Variants in SLC25A21 observed in about 807,000 individuals in gnomAD.
SLC25A21 encodes the protein mitochondrial 2-oxodicarboxylate carrier.
In SLC25A21, 47 loss-of-function variants were observed where a neutral mutation model predicts 43.8. That is an observed-to-expected ratio of 1.07 (90% CI 0.85 to 1.37). SLC25A21 has a LOEUF of 1.37. SLC25A21 is among the 40% of genes most tolerant of loss of function. The pLI, the probability that SLC25A21 is intolerant of heterozygous loss-of-function variation, is 0.00. For synonymous variants in SLC25A21, 131 were observed against 121.3 expected, an observed-to-expected ratio of 1.08 and a Z score of -0.52; for missense variants, 352 against 350.2, an observed-to-expected ratio of 1.00 and a Z score of -0.04.
intron 2 of SLC25A21, among the ~76,000 whole-genome samples, chr14:36,850,991 T>A (rs932674751): frequency 2.0e-5 from 3 of 152,228 alleles, no homozygotes. Flanking sequence ...CTAAAGATTA[T>A]GACATTCTAC....
At chr14:36,696,228 T>G (rs1883018798) in intron 7 of SLC25A21, among the ~76,000 whole-genome samples, 1 of 152,236 alleles carries the variant, frequency 6.6e-6, no homozygotes, top group Non-Finnish European at 1.5e-5. Context: ...TTGCATATGT[T>G]GAACCAGCCT....
At chr14:37,057,051 T>C (rs1049621767) in intron 1 of SLC25A21, among the ~76,000 whole-genome samples, 1 of 152,236 alleles carries the variant, frequency 6.6e-6, no homozygotes, top group African/African-American at 2.4e-5. Context: ...ATTCTTTTTA[T>C]TTGGGGTTTA....
At chr14:36,865,011 T>C (rs1274192858) in intron 2 of SLC25A21, among the ~76,000 whole-genome samples, 1 of 151,992 alleles carries the variant, frequency 6.6e-6, no homozygotes, top group Non-Finnish European at 1.5e-5. Flanking sequence ...TTTAAAAAGA[T>C]TCCTTTCTTT....
chr14:36,939,011 T>C (rs898345265), intron 1 of SLC25A21, among the ~76,000 whole-genome samples: 2 of 152,192 alleles, frequency 1.3e-5, no homozygotes, highest in African/African-American at 4.8e-5. Context: ...AACTGAATTG[T>C]ATTTCAGATA....
intron 1 of SLC25A21, among the ~76,000 whole-genome samples, chr14:37,098,872 G>A (rs78990060): frequency 6.6e-6 from 1 of 150,722 alleles, no homozygotes; most frequent in Non-Finnish European, 1.5e-5. Context: ...GCATGATCTC[G>A]GCTCACTGCA....
chr14:36,799,628 G>A (rs1235816933), intron 3 of SLC25A21, among the ~76,000 whole-genome samples: 2 of 152,096 alleles, frequency 1.3e-5, no homozygotes, highest in African/African-American at 2.4e-5. Flanking sequence ...AAGAATTTAT[G>A]TTTTTTTAAG....
chr14:37,172,037 C>T, intron 1 of SLC25A21: 3 of 544,800 alleles, frequency 5.5e-6, no homozygotes, highest in Non-Finnish European at 9.8e-6. Flanking sequence ...ACGGACAATG[C>T]CGGGAACCCG....
chr14:36,850,560 T>C (rs192125336), intron 2 of SLC25A21, among the ~76,000 whole-genome samples: 1 of 152,326 alleles, frequency 6.6e-6, no homozygotes, highest in Non-Finnish European at 1.5e-5. Context: ...GACCTCAGAT[T>C]TGACTGTCTT....
intron 1 of SLC25A21, among the ~76,000 whole-genome samples, chr14:37,054,585 G>A (rs1208016418): frequency 1.3e-5 from 2 of 152,094 alleles, no homozygotes; most frequent in Non-Finnish European, 2.9e-5. Context: ...AGTGGTAGTG[G>A]CATATGAAGG....
At chr14:36,705,373 T>C (rs779741257) in intron 7 of SLC25A21, among the ~76,000 whole-genome samples, 10 of 152,106 alleles carry the variant, frequency 6.6e-5, no homozygotes, top group Non-Finnish European at 1.5e-4. Flanking sequence ...CTATTTTACG[T>C]CCGCAAACAT....
At chr14:36,891,405 G>A (rs1891068006) in intron 1 of SLC25A21, among the ~76,000 whole-genome samples, 1 of 152,104 alleles carries the variant, frequency 6.6e-6, no homozygotes, top group African/African-American at 2.4e-5. Flanking sequence ...CTCAGTGACT[G>A]GATTTAGCTA....
At chr14:36,946,093 G>A (rs943752296) in intron 1 of SLC25A21, among the ~76,000 whole-genome samples, 6 of 152,172 alleles carry the variant, frequency 3.9e-5, no homozygotes, top group Non-Finnish European at 7.3e-5. Flanking sequence ...AAGGATGTAA[G>A]TAGAAACATT....
chr14:37,015,919 T>C (rs1366331107), intron 1 of SLC25A21, among the ~76,000 whole-genome samples: 1 of 151,962 alleles, frequency 6.6e-6, no homozygotes, highest in Non-Finnish European at 1.5e-5. Flanking sequence ...TTTGTTTGAG[T>C]TCATTGTAGA....
intron 1 of SLC25A21, among the ~76,000 whole-genome samples, chr14:36,992,897 T>C (rs1270304064): frequency 5.3e-5 from 8 of 152,188 alleles, no homozygotes; most frequent in Admixed American, 1.3e-4. Context: ...AAGCTGACAG[T>C]TGCATGACAA....
chr14:36,881,573 C>T (rs1409847381), intron 1 of SLC25A21, among the ~76,000 whole-genome samples: 4 of 152,162 alleles, frequency 2.6e-5, no homozygotes, highest in African/African-American at 9.7e-5. Flanking sequence ...GATCTTATCT[C>T]CACCCTTGCC....
intron 3 of SLC25A21, among the ~76,000 whole-genome samples, chr14:36,787,644 T>C (rs1183178397): frequency 6.6e-6 from 1 of 152,244 alleles, no homozygotes; most frequent in Non-Finnish European, 1.5e-5. Flanking sequence ...ATAAAATGGA[T>C]ACAAATGTTG....
intron 3 of SLC25A21, among the ~76,000 whole-genome samples, chr14:36,785,141 T>C (rs1887201868): frequency 6.6e-6 from 1 of 152,196 alleles, no homozygotes; most frequent in South Asian, 2.1e-4. Flanking sequence ...TCAGTCCTCC[T>C]ACTGGAATGG....
At chr14:37,139,295 CTT>C (rs1351501337) in intron 1 of SLC25A21, among the ~76,000 whole-genome samples, 1 of 152,058 alleles carries the variant, frequency 6.6e-6, no homozygotes, top group African/African-American at 2.4e-5. Context: ...CAAATTCTGT[CTT>C]GATTATGATT....
rs1274825933 is a variant in SLC25A21 at position 36,679,839 on chromosome 14, T to G, written c.*819A>C. On this transcript the variant is annotated 3_prime_UTR_variant, in exon 10 of 10. Coordinates refer to ENST00000331299, the MANE Select transcript of SLC25A21 (RefSeq NM_030631.4). ...ATTTGTGATTTAACATGACAATATCTCATCAACAAAACTTATCTTCAAAGA... is the reference window on the plus strand; with the variant it reads ...ATTTGTGATTTAACATGACAATATCGCATCAACAAAACTTATCTTCAAAGA... The G allele has an allele frequency of 2.0e-6, 2 of 984,430 alleles. No individual in the cohort carries two copies. Among genetic ancestry groups the G allele is most frequent in the East Asian group, 1.1e-4 (1 of 8,828 alleles). 61.0% of individuals were successfully genotyped at this position (984,430 alleles called of 1,614,324 possible).
Sources: gnomAD v4.1 joint callset for allele counts (sites outside exome capture counted in the v4.1 genomes callset) on GRCh38, gnomAD v4.1.1 for gene constraint, MANE v1.5 for transcripts, NCBI Gene and HGNC (gene_info 2026-07-23, HGNC 2026-07-21) for gene names.